Variants in SYTL5 observed in about 807,000 individuals in gnomAD.
The protein encoded by SYTL5 is synaptotagmin like 5, also known as synaptotagmin-like protein 5.
A neutral mutation model predicts 55.9 loss-of-function variants in SYTL5; 34 were observed. The ratio of observed to expected loss-of-function variants is 0.61; its 90% CI spans 0.46 to 0.81. The LOEUF (loss-of-function observed/expected upper bound fraction) is 0.81, where lower values mean the gene tolerates loss of function less well. Among genes scored for constraint, SYTL5 ranks in the 30% least tolerant of loss-of-function variants. The pLI is 0.00. For synonymous variants in SYTL5, 221 were observed against 188.7 expected (o/e 1.17, Z -1.40); for missense variants, 637 against 546.7 (o/e 1.17, Z -1.65).
intron 2 of SYTL5, 89 bp from the exon 3 acceptor site, chrX:38,054,124 C>A: frequency 1.5e-6 from 1 of 684,770 alleles, no homozygotes; most frequent in Non-Finnish European, 2.2e-6. Context: ...GGCAAATATT[C>A]TATCTATTTT....
chrX:38,020,485 T>C (rs1157427739), intron 1 of SYTL5, among the ~76,000 whole-genome samples: 3 of 99,669 alleles, frequency 3.0e-5, no homozygotes, highest in African/African-American at 1.1e-4. Flanking sequence ...ACTGCATAAG[T>C]AATTTTGTAT....
intron 3 of SYTL5, among the ~76,000 whole-genome samples, chrX:38,068,002 A>G (rs1936146786): frequency 8.9e-6 from 1 of 112,175 alleles, no homozygotes; most frequent in African/African-American, 3.2e-5. Flanking sequence ...CAGACAACCC[A>G]CAGAATGGGA....
At chrX:38,081,365 A>G (rs1936526544) in intron 6 of SYTL5, among the ~76,000 whole-genome samples, 1 of 111,600 alleles carries the variant, frequency 9.0e-6, no homozygotes, top group South Asian at 3.8e-4. Context: ...TGAATTCACC[A>G]GAGTATTTTG....
the SYTL5 span, among the ~76,000 whole-genome samples, chrX:37,925,454 C>T: frequency 9.0e-6 from 1 of 111,520 alleles, no homozygotes; most frequent in Non-Finnish European, 1.9e-5. Context: ...TTGGAGGAAG[C>T]TGTTTACTGT....
chrX:38,118,378 T>C (rs181189905), intron 13 of SYTL5, among the ~76,000 whole-genome samples: 16 of 111,872 alleles, frequency 1.4e-4, no homozygotes, highest in Middle Eastern at 9.2e-3. Flanking sequence ...ATGCCAAGTC[T>C]TGAACAGTCT....
intron 1 of SYTL5, among the ~76,000 whole-genome samples, chrX:38,031,118 A>G (rs926339708): frequency 2.7e-5 from 3 of 111,310 alleles, no homozygotes; most frequent in African/African-American, 9.8e-5. Flanking sequence ...AGAACAACAC[A>G]GAAAGACAAA....
chrX:38,037,974 T>A (rs1270160285), intron 2 of SYTL5, among the ~76,000 whole-genome samples: 1 of 111,267 alleles, frequency 9.0e-6, no homozygotes, highest in Non-Finnish European at 1.9e-5. Context: ...TTCCAATCCA[T>A]GTCTGGCAGT....
At chrX:37,968,649 C>G in the SYTL5 span, among the ~76,000 whole-genome samples, 7 of 111,382 alleles carry the variant, frequency 6.3e-5, no homozygotes, top group African/African-American at 2.3e-4. Flanking sequence ...ACGGTTTCAT[C>G]TGGGGTACTT....
chrX:38,043,685 A>G (rs1935367852), intron 2 of SYTL5, among the ~76,000 whole-genome samples: 1 of 72,682 alleles, frequency 1.4e-5, no homozygotes, highest in South Asian at 6.3e-4. Flanking sequence ...ATATATATAT[A>G]TATATACATA....
chrX:37,946,492 T>A, the SYTL5 span: 3 of 237,835 alleles, frequency 1.3e-5, no homozygotes, highest in African/African-American at 5.8e-5. Flanking sequence ...GGATTTTTCA[T>A]TGGAATCATG....
chrX:37,916,100 G>A, the SYTL5 span, among the ~76,000 whole-genome samples: 4 of 111,419 alleles, frequency 3.6e-5, no homozygotes, highest in South Asian at 1.1e-3. Flanking sequence ...CCATACTTCC[G>A]TTAGGAACTC....
At chrX:38,075,139 C>T (rs1936358053) in intron 5 of SYTL5, among the ~76,000 whole-genome samples, 1 of 111,408 alleles carries the variant, frequency 9.0e-6, no homozygotes, top group Non-Finnish European at 1.9e-5. Context: ...GAATAGTGGA[C>T]TTGGAGATAG....
chrX:37,971,915 C>A, the SYTL5 span, among the ~76,000 whole-genome samples: 1 of 109,443 alleles, frequency 9.1e-6, no homozygotes, highest in Non-Finnish European at 1.9e-5. Context: ...GGGCAGGACT[C>A]TACAGTTTGT....
At chrX:38,034,864 A>T (rs189066868) in intron 2 of SYTL5, among the ~76,000 whole-genome samples, 1 of 112,108 alleles carries the variant, frequency 8.9e-6, no homozygotes, top group Non-Finnish European at 1.9e-5. Flanking sequence ...ACCCCAGAAA[A>T]AAAGGAGCAG....
chrX:37,916,633 A>C, the SYTL5 span, among the ~76,000 whole-genome samples: 2 of 112,353 alleles, frequency 1.8e-5, no homozygotes, highest in Non-Finnish European at 3.8e-5. Context: ...TACAATACCT[A>C]CTGGTTGAAT....
the SYTL5 span, among the ~76,000 whole-genome samples, chrX:37,964,305 A>G: frequency 8.9e-6 from 1 of 112,132 alleles, no homozygotes; most frequent in African/African-American, 3.2e-5. Context: ...GAACTGTGAG[A>G]AATAAATTTC....
At chrX:38,094,819 G>A (rs1936887760) in intron 8 of SYTL5, among the ~76,000 whole-genome samples, 1 of 111,709 alleles carries the variant, frequency 9.0e-6, no homozygotes, top group South Asian at 3.7e-4. Flanking sequence ...CCTACATATA[G>A]ACAAAAGAAA....
At chrX:38,005,880 C>T (rs944133509), upstream of SYTL5, among the ~76,000 whole-genome samples, 4 of 111,665 alleles carry the variant, frequency 3.6e-5, no homozygotes, top group Admixed American at 3.8e-4. Context: ...GGGTAATCAC[C>T]TTGGCAGAAG....
chrX:38,055,063 G>A (rs1935744441), intron 3 of SYTL5, among the ~76,000 whole-genome samples: 1 of 111,380 alleles, frequency 9.0e-6, no homozygotes, highest in Non-Finnish European at 1.9e-5. Flanking sequence ...TTGTCTCAGG[G>A]CCCCTCTTGG....
Sources: gnomAD v4.1 joint callset for allele counts (sites outside exome capture counted in the v4.1 genomes callset) on GRCh38, gnomAD v4.1.1 for gene constraint, MANE v1.5 for transcripts, NCBI Gene and HGNC (gene_info 2026-07-23, HGNC 2026-07-21) for gene names.